Variants in KLHL11 observed in about 807,000 individuals in gnomAD.
KLHL11 encodes the protein kelch-like protein 11.
KLHL11 carries 26 observed loss-of-function variants against 56.1 expected under a neutral mutation model. That is an observed-to-expected ratio of 0.46 (90% CI 0.34 to 0.64). The LOEUF (loss-of-function observed/expected upper bound fraction) is 0.64. Among genes scored for constraint, KLHL11 ranks in the 30% least tolerant of loss-of-function variants. The pLI is 0.01. For missense variants in KLHL11, 627 were observed against 919.4 expected, an observed-to-expected ratio of 0.68 and a Z score of 4.11; for synonymous variants, 338 against 345.8, an observed-to-expected ratio of 0.98 and a Z score of 0.25.
Position 41,853,566 on chromosome 17 carries a change from A to T in KLHL11, c.*174T>A, listed in dbSNP as rs781915829. 9.3e-6 allele frequency: 6 copies of T among 646,724 alleles called. No homozygotes were observed. Among genetic ancestry groups the T allele is most frequent in the Non-Finnish European group, 1.4e-5 (6 of 415,804 alleles). 40.1% of individuals were successfully genotyped at this position (646,724 alleles called of 1,614,324 possible). ...AAAATTGCAAGCTAACAAAATGACC[A>T]TGTATTGAACTGAGTCTCCCATTCT... is the stretch of plus-strand genomic sequence containing the variant. On this transcript the variant is annotated 3_prime_UTR_variant, in exon 2 of 2. Transcript: ENST00000319121.
rs1391845091 is a variant in KLHL11 at position 41,850,998 on chromosome 17, A to G, written c.*2742T>C. 6.6e-6 allele frequency: 1 copy of G among 152,160 alleles called. No individual in the cohort carries two copies. Among genetic ancestry groups the G allele is most frequent in the Admixed American group, 6.5e-5 (1 of 15,272 alleles). 9.4% of individuals were successfully genotyped at this position (152,160 alleles called of 1,614,324 possible). ...TCTGGTTGTGCTTTTCTCTTTTGGTATTTGATCACTAACAAGAAGATTAAC... is the reference window on the plus strand; with the variant it reads ...TCTGGTTGTGCTTTTCTCTTTTGGTGTTTGATCACTAACAAGAAGATTAAC... On this transcript the variant is annotated 3_prime_UTR_variant, in exon 2 of 2. Transcript: ENST00000319121.
chr17:41,858,412 TTGTTG>T lies in KLHL11; in HGVS notation c.546-3096_546-3092del, dbSNP rs1365771246. Reference sequence around the variant, plus strand: ...CAGATATATATATATATATTTTTTGTTGTTGTTGTTGTTGTTGTTGTTGTTGTTTT... The same window carrying T: ...CAGATATATATATATATATTTTTTGTTTGTTGTTGTTGTTGTTGTTGTTTT... On this transcript the variant is annotated intron_variant, in intron 1 of 1. Transcript: ENST00000319121. 4.7e-3 allele frequency among the ~76,000 whole-genome samples: 221 copies of T among 46,706 alleles called. 1 individual carries two copies. Among genetic ancestry groups the T allele is most frequent in the African/African-American group, 0.016 (210 of 13,206 alleles). The allele number at this position is 46,706 out of a possible 152,430, so 30.6% of individuals were successfully genotyped here. A position where few individuals can be genotyped will look rare whatever the true frequency, so the allele number is the denominator to read the frequency against.
chr17:41,848,833 G>T lies in KLHL11; in HGVS notation c.*4907C>A, dbSNP rs1341292080. 1 of 156,434 alleles carries T rather than the reference G, an allele frequency of 6.4e-6. No individual in the cohort carries two copies. Among genetic ancestry groups the T allele is most frequent in the Non-Finnish European group, 1.4e-5 (1 of 70,442 alleles). 9.7% of individuals were successfully genotyped at this position (156,434 alleles called of 1,614,324 possible). A position where few individuals can be genotyped will look rare whatever the true frequency, so the allele number is the denominator to read the frequency against. ...ACCTAGCAAGCACTACTTTTCACGAGTGCATTATGCAGGAGGACTAAGTTA... is the reference window on the plus strand; with the variant it reads ...ACCTAGCAAGCACTACTTTTCACGATTGCATTATGCAGGAGGACTAAGTTA... On this transcript the variant is annotated 3_prime_UTR_variant, in exon 2 of 2. Coordinates refer to ENST00000319121, the MANE Select transcript of KLHL11 (RefSeq NM_018143.3).
Position 41,862,569 on chromosome 17 carries a change from C to T in KLHL11, c.545+2257G>A, listed in dbSNP as rs549673378. On this transcript the variant is annotated intron_variant, in intron 1 of 1. Transcript: ENST00000319121. ...TGCTAGGATTACTGGCGTGAGCCAC[C>T]GCGCCCGGCCTAATTTTTGTATTTT... is the stretch of plus-strand genomic sequence containing the variant. Among the ~76,000 whole-genome samples the T allele has an allele frequency of 5.3e-5, 8 of 152,022 alleles. No individual in the cohort carries two copies. The South Asian group carries it at 1.5e-3, about 28-fold the overall frequency.
rs1210042878 is a variant in KLHL11, at chr17:41,851,346, G to C, written c.*2394C>G. 1.3e-5 allele frequency: 2 copies of C among 151,962 alleles called. No individual in the cohort carries two copies. Among genetic ancestry groups the C allele is most frequent in the African/African-American group, 4.9e-5 (2 of 41,210 alleles). The allele number at this position is 151,962 out of a possible 1,614,324, so 9.4% of individuals were successfully genotyped here. A position where few individuals can be genotyped will look rare whatever the true frequency, so the allele number is the denominator to read the frequency against. On this transcript the variant is annotated 3_prime_UTR_variant, in exon 2 of 2. Transcript: ENST00000319121. Reference sequence around the variant, plus strand: ...GGGCTGGGCATGGTGGCTCATGCCTGTAATCCCAGCGCTTTGAGAGGCTGA... The same window carrying C: ...GGGCTGGGCATGGTGGCTCATGCCTCTAATCCCAGCGCTTTGAGAGGCTGA...
Position 41,854,280 on chromosome 17 carries a change from T to C in KLHL11, c.1587A>G (p.Thr529=), listed in dbSNP as rs187177423. ...GLKAVITCYD[T]ETRQWQDVES... is the part of the protein sequence containing the mutation. The stretch of plus-strand genomic sequence containing the variant: ...CCACATCTTGCCACTGTCGAGTCTC[T>C]GTATCATAGCAAGTAATTACAGCCT... Residue 529 remains threonine, a synonymous_variant, in exon 2 of 2, where the codon ACA becomes ACG. Coordinates refer to ENST00000319121, the MANE Select transcript of KLHL11 (RefSeq NM_018143.3). This position sits in a 1 kb window ranked among gnomAD's most constrained non-coding sequence, Gnocchi z 4.9. 6.2e-7 allele frequency: 1 copy of C among 1,614,232 alleles called. No individual in the cohort carries two copies. The highest frequency in any genetic ancestry group is 2.2e-5 in the East Asian group (1 of 44,894).
In KLHL11 at chr17:41,849,936, A is replaced by G. The variant is rs1185617848; in HGVS notation, c.*3804T>C. The G allele has an allele frequency of 6.6e-6, 1 of 152,186 alleles. No homozygotes were observed. The highest frequency in any genetic ancestry group is 2.4e-5 in the African/African-American group (1 of 41,450). 9.4% of individuals were successfully genotyped at this position (152,186 alleles called of 1,614,324 possible). ...AACTTCCTCTCTCTTCTACAAACAA[A>G]AGCAAAAGCAACAAAACAAAGGTTT... is the stretch of plus-strand genomic sequence containing the variant. On this transcript the variant is annotated 3_prime_UTR_variant, in exon 2 of 2. Transcript: ENST00000319121.
At chr17:41,855,360 T>C in intron 1 of KLHL11, 39 bp from the exon 2 acceptor site, 3 of 1,445,658 alleles carry the variant, frequency 2.1e-6, no homozygotes, top group East Asian at 4.6e-5. Context: ...ATTTTTCAAA[T>C]GTGCATATTT....
intron 1 of KLHL11, 29 bp downstream of exon 1, chr17:41,864,797 C>T: frequency 1.3e-6 from 2 of 1,485,790 alleles, no homozygotes; most frequent in South Asian, 2.7e-5. Flanking sequence ...GCGCCCGCCG[C>T]CCTCCGCGCT....
rs2048319921 is a variant in KLHL11, at chr17:41,849,454, G to C, written c.*4286C>G. ...ACATGCTACACTAGTCAAGAGGTAA[G>C]GAGGAAAAGTGAGCCCTAGAAACTG... On this transcript the variant is annotated 3_prime_UTR_variant, in exon 2 of 2. Coordinates refer to ENST00000319121, the MANE Select transcript of KLHL11 (RefSeq NM_018143.3). 1 of 152,138 alleles carries C rather than the reference G, an allele frequency of 6.6e-6. No homozygotes were observed. Among genetic ancestry groups the C allele is most frequent in the South Asian group, 2.1e-4 (1 of 4,824 alleles). 9.4% of individuals were successfully genotyped at this position (152,138 alleles called of 1,614,324 possible). A position where few individuals can be genotyped will look rare whatever the true frequency, so the allele number is the denominator to read the frequency against.
intron 1 of KLHL11, among the ~76,000 whole-genome samples, chr17:41,856,260 G>T (rs1304771855): frequency 1.3e-5 from 2 of 152,346 alleles, no homozygotes; most frequent in East Asian, 3.9e-4. Context: ...AAAGTGCTGA[G>T]ATTACAGGCG....
At chr17:41,855,429 A>G in intron 1 of KLHL11, 108 bp from the exon 2 acceptor site, 1 of 772,878 alleles carries the variant, frequency 1.3e-6, no homozygotes, top group Non-Finnish European at 2.0e-6. Context: ...CCCAGGTTGG[A>G]GTGCAGTGGC....
At chr17:41,861,004 G>A (rs1298475647) in intron 1 of KLHL11, among the ~76,000 whole-genome samples, 1 of 152,172 alleles carries the variant, frequency 6.6e-6, no homozygotes, top group East Asian at 1.9e-4. Flanking sequence ...TAAACAGCAA[G>A]GAAAACAGGG....
Position 41,849,964 on chromosome 17 carries a change from T to C in KLHL11, c.*3776A>G, listed in dbSNP as rs2048323885. ...CAAAAGCAACAAAACAAAGGTTTGC[T>C]TGAATACGCATTAAGCTGTCTTTCT... is the stretch of plus-strand genomic sequence containing the variant. On this transcript the variant is annotated 3_prime_UTR_variant, in exon 2 of 2. Coordinates refer to ENST00000319121, the MANE Select transcript of KLHL11 (RefSeq NM_018143.3). The C allele has an allele frequency of 6.6e-6, 1 of 152,230 alleles. No individual in the cohort carries two copies. Among genetic ancestry groups the C allele is most frequent in the Admixed American group, 6.5e-5 (1 of 15,282 alleles). 9.4% of individuals were successfully genotyped at this position (152,230 alleles called of 1,614,324 possible).
In KLHL11 at chr17:41,853,721, T is replaced by C; in HGVS notation, c.*19A>G. ...CACGAAACGGGTGTAACAGTTTTAATCGGCACGCTTGAGAGAACCTAGCAT... is the reference window on the plus strand; with the variant it reads ...CACGAAACGGGTGTAACAGTTTTAACCGGCACGCTTGAGAGAACCTAGCAT... On this transcript the variant is annotated 3_prime_UTR_variant, in exon 2 of 2. Coordinates refer to ENST00000319121, the MANE Select transcript of KLHL11 (RefSeq NM_018143.3). The C allele has an allele frequency of 6.3e-7, 1 of 1,588,186 alleles. No homozygotes were observed. The highest frequency in any genetic ancestry group is 8.6e-7 in the Non-Finnish European group (1 of 1,164,736).
At chr17:41,859,357 A>T (rs2048388335) in intron 1 of KLHL11, among the ~76,000 whole-genome samples, 1 of 152,160 alleles carries the variant, frequency 6.6e-6, no homozygotes, top group Non-Finnish European at 1.5e-5. Flanking sequence ...TGAGGTCAGG[A>T]GTTCGAGACC....
At chr17:41,855,990 C>G (rs1450467133) in intron 1 of KLHL11, among the ~76,000 whole-genome samples, 21 of 139,214 alleles carry the variant, frequency 1.5e-4, no homozygotes, top group Non-Finnish European at 2.2e-4. Flanking sequence ...CCATCCCCCC[C>G]CCAAAAAAAA....
Position 41,857,667 on chromosome 17 carries a change from G to C in KLHL11, c.546-2346C>G, listed in dbSNP as rs915125052. ...ACAAAATAGAGTTTTTATTTTAAGA[G>C]ACAGGGTTTTGCTATGCTGCAGTGG... On this transcript the variant is annotated intron_variant, in intron 1 of 1. Transcript: ENST00000319121. Among the ~76,000 whole-genome samples the C allele has an allele frequency of 7.9e-5, 12 of 151,912 alleles. 2 individuals carry two copies. Among genetic ancestry groups the C allele is most frequent in the Admixed American group, 3.3e-4 (5 of 15,274 alleles).
Position 41,854,003 on chromosome 17 carries a change from C to A in KLHL11, c.1864G>T (p.Asp622Tyr). The change falls in exon 2 of 2, where the codon GAT becomes TAT. Residue 622 changes from aspartate (D) to tyrosine (Y), a missense_variant. By Grantham distance (160) the Asp-to-Tyr change is radical. This residue lies in a region of KLHL11 where 250 missense variants were observed against 360.6 expected (regional missense o/e 0.69). Transcript: ENST00000319121. The surrounding 1 kb of genome is among the most constrained non-coding windows in gnomAD (Gnocchi z 4.9). ...FIIGGWKNSD[D>Y]IDKQYRKEAY... ...TCTTTCCGATACTGTTTATCAATATCATCACTGTTTTTCCAGCCTCCTATA... is the reference window on the plus strand; with the variant it reads ...TCTTTCCGATACTGTTTATCAATATAATCACTGTTTTTCCAGCCTCCTATA... 1 of 1,614,174 alleles carries A rather than the reference C, an allele frequency of 6.2e-7. No individual in the cohort carries two copies. Among genetic ancestry groups the A allele is most frequent in the Non-Finnish European group, 8.5e-7 (1 of 1,180,022 alleles).
Sources: gnomAD v4.1 joint callset for allele counts (sites outside exome capture counted in the v4.1 genomes callset) on GRCh38, gnomAD v4.1.1 for gene constraint, gnomAD v4.1.1 regional missense constraint, Gnocchi (gnomAD v3.1) non-coding constraint, MANE v1.5 for transcripts, NCBI Gene and HGNC (gene_info 2026-07-23, HGNC 2026-07-21) for gene names.